MED27: variants seen among roughly 807,000 people sequenced by gnomAD.
The protein encoded by MED27 is mediator of RNA polymerase II transcription subunit 27.
In MED27, 30 loss-of-function variants were observed where a neutral mutation model predicts 38.2. That is an observed-to-expected ratio of 0.79 (90% CI 0.59 to 1.07). The LOEUF (loss-of-function observed/expected upper bound fraction) is 1.07, where lower values mean the gene tolerates loss of function less well. Ranked by LOEUF, MED27 falls within the 50% of genes least tolerant of loss-of-function variation. MED27 has a pLI of 0.00. For synonymous variants in MED27, 122 were observed against 153.5 expected, an observed-to-expected ratio of 0.79 and a Z score of 1.52; for missense variants, 289 against 397.5, an observed-to-expected ratio of 0.73 and a Z score of 2.32.
At chr9:131,949,643 A>T (rs1049308532) in intron 3 of MED27, among the ~76,000 whole-genome samples, 9 of 152,188 alleles carry the variant, frequency 5.9e-5, no homozygotes, top group Admixed American at 5.2e-4. Context: ...ACAACTGAGA[A>T]ATCTTTTAGT....
intron 2 of MED27, among the ~76,000 whole-genome samples, chr9:132,060,844 G>C (rs533493245): frequency 6.6e-6 from 1 of 152,284 alleles, no homozygotes; most frequent in South Asian, 2.1e-4. Flanking sequence ...AGCTACTTGG[G>C]AGGCTGAGGC....
intron 1 of MED27, among the ~76,000 whole-genome samples, chr9:132,079,300 T>G (rs571373029): frequency 3.2e-4 from 48 of 152,130 alleles, no homozygotes; most frequent in Non-Finnish European, 6.2e-4. Context: ...GGATCAGACG[T>G]GATGGGGCAC....
intron 4 of MED27, among the ~76,000 whole-genome samples, chr9:131,906,449 A>ATGGGGGT (rs1830064329): frequency 2.3e-5 from 1 of 43,048 alleles, no homozygotes; most frequent in African/African-American, 6.1e-5. Context: ...TAGGAACAGA[A>ATGGGGGT]AGGAGGTCGG....
intron 2 of MED27, among the ~76,000 whole-genome samples, chr9:132,071,457 C>T (rs759350280): frequency 6.0e-5 from 9 of 150,844 alleles, no homozygotes; most frequent in Non-Finnish European, 1.3e-4. Context: ...AGCACACACA[C>T]GAGTAACACA....
chr9:131,980,163 C>T (rs1831698795), intron 3 of MED27, among the ~76,000 whole-genome samples: 1 of 141,158 alleles, frequency 7.1e-6, no homozygotes, highest in African/African-American at 2.5e-5. Flanking sequence ...CATGTACACA[C>T]ACACGTATGT....
chr9:132,015,080 A>C (rs560358458), intron 2 of MED27, among the ~76,000 whole-genome samples: 1 of 152,222 alleles, frequency 6.6e-6, no homozygotes, highest in African/African-American at 2.4e-5. Context: ...CATGACCACG[A>C]CATGGCTTAT....
chr9:131,935,010 TA>T (rs1234925720), intron 4 of MED27, among the ~76,000 whole-genome samples: 3 of 152,024 alleles, frequency 2.0e-5, no homozygotes, highest in Non-Finnish European at 2.9e-5. Flanking sequence ...AGGTAAAAAT[TA>T]AAGTAATTGA....
intron 3 of MED27, among the ~76,000 whole-genome samples, chr9:131,964,057 TGGA>T (rs1831280730): frequency 6.6e-6 from 1 of 151,454 alleles, no homozygotes. Flanking sequence ...GTGAGGAGAG[TGGA>T]GAAGGTGGTA....
At chr9:131,995,453 T>C (rs571772055) in intron 3 of MED27, among the ~76,000 whole-genome samples, 2 of 152,188 alleles carry the variant, frequency 1.3e-5, no homozygotes, top group East Asian at 1.9e-4. Context: ...GTTCCCAAAA[T>C]GGCACTATTC....
At chr9:131,880,311 C>A (rs1839014348) in intron 6 of MED27, among the ~76,000 whole-genome samples, 1 of 152,026 alleles carries the variant, frequency 6.6e-6, no homozygotes, top group Non-Finnish European at 1.5e-5. Context: ...ATGTTTCCTT[C>A]ATTTGACAGC....
chr9:132,009,056 G>T (rs574143819), intron 3 of MED27, among the ~76,000 whole-genome samples: 2 of 152,306 alleles, frequency 1.3e-5, no homozygotes, highest in East Asian at 3.9e-4. Flanking sequence ...GGCACTGGAA[G>T]AAGGTCATGT....
intron 3 of MED27, among the ~76,000 whole-genome samples, chr9:131,991,255 A>G (rs1393852392): frequency 6.6e-6 from 1 of 152,240 alleles, no homozygotes; most frequent in Non-Finnish European, 1.5e-5. Flanking sequence ...ATACTCTCAG[A>G]TACAACTGCT....
At chr9:132,010,219 A>G (rs2131070675) in intron 3 of MED27, among the ~76,000 whole-genome samples, 1 of 152,344 alleles carries the variant, frequency 6.6e-6, no homozygotes, top group Middle Eastern at 3.4e-3. Flanking sequence ...TAAGTGGGTG[A>G]AGGATATGAA....
intron 3 of MED27, among the ~76,000 whole-genome samples, chr9:131,959,839 T>C (rs1431580023): frequency 1.3e-5 from 2 of 152,198 alleles, no homozygotes; most frequent in Non-Finnish European, 2.9e-5. Flanking sequence ...CCAAGTACCA[T>C]TCTGGCATAA....
At chr9:131,932,771 G>A (rs1275574516) in intron 4 of MED27, among the ~76,000 whole-genome samples, 2 of 152,038 alleles carry the variant, frequency 1.3e-5, no homozygotes, top group African/African-American at 4.8e-5. Flanking sequence ...AGTTTATGAG[G>A]CCAGTATTAC....
chr9:132,077,353 A>G, intron 2 of MED27, 89 bp downstream of exon 2: 1 of 1,312,238 alleles, frequency 7.6e-7, no homozygotes, highest in South Asian at 1.4e-5. Flanking sequence ...ATAAAAAGCA[A>G]TAAAAACATA....
chr9:131,892,636 AC>A (rs1338891353), intron 5 of MED27, among the ~76,000 whole-genome samples: 2 of 152,086 alleles, frequency 1.3e-5, no homozygotes, highest in East Asian at 3.9e-4. Flanking sequence ...CTTTGAAAAA[AC>A]CCAACAAGAA....
intron 3 of MED27, among the ~76,000 whole-genome samples, chr9:132,004,376 A>G (rs1198591342): frequency 6.6e-6 from 1 of 152,214 alleles, no homozygotes; most frequent in African/African-American, 2.4e-5. Context: ...TCTTGCCCAA[A>G]GAGAGGGGAT....
chr9:132,057,143 A>T (rs1328043603), intron 2 of MED27, among the ~76,000 whole-genome samples: 4 of 152,130 alleles, frequency 2.6e-5, no homozygotes, highest in Non-Finnish European at 5.9e-5. Flanking sequence ...GTTCACATGA[A>T]CTCAAGTGAA....
Sources: allele counts gnomAD v4.1 joint callset (sites outside exome capture counted in the v4.1 genomes callset), GRCh38; gene constraint gnomAD v4.1.1; transcripts MANE v1.5; gene names NCBI Gene and HGNC (gene_info 2026-07-23, HGNC 2026-07-21).